The following CSMD2 variants were observed in gnomAD, a reference collection of about 807,000 sequenced individuals.
CSMD2 encodes CUB and sushi domain-containing protein 2.
In CSMD2, 130 loss-of-function variants were observed where a neutral mutation model predicts 398.5. The ratio of observed to expected loss-of-function variants is 0.33; its 90% CI spans 0.28 to 0.38. The LOEUF (loss-of-function observed/expected upper bound fraction) is 0.38, where lower values mean the gene tolerates loss of function less well. CSMD2 is among the 10% of genes least tolerant of loss of function. The pLI is 1.00. For missense variants in CSMD2, 3,829 were observed against 4,764.9 expected, an observed-to-expected ratio of 0.80 and a Z score of 5.78; for synonymous variants, 1,828 against 1,908.5, an observed-to-expected ratio of 0.96 and a Z score of 1.10.
At chr1:34,036,443 T>A (rs918415800) in intron 2 of CSMD2, among the ~76,000 whole-genome samples, 1 of 152,182 alleles carries the variant, frequency 6.6e-6, no homozygotes, top group African/African-American at 2.4e-5. Flanking sequence ...GTGATTCAAT[T>A]TATATAACAT....
chr1:33,663,399 C>G (rs183137570), intron 25 of CSMD2, among the ~76,000 whole-genome samples: 21 of 152,216 alleles, frequency 1.4e-4, no homozygotes, highest in Non-Finnish European at 5.9e-5. Flanking sequence ...CTTACATAGC[C>G]CGCAGACCTC....
chr1:33,728,874 A>T (rs1221200182), intron 15 of CSMD2, among the ~76,000 whole-genome samples: 1 of 152,232 alleles, frequency 6.6e-6, no homozygotes, highest in Admixed American at 6.5e-5. Flanking sequence ...TATATCAAAC[A>T]TTGGGAGAGT....
chr1:34,006,171 C>G (rs1647047867), intron 3 of CSMD2, among the ~76,000 whole-genome samples: 1 of 152,180 alleles, frequency 6.6e-6, no homozygotes, highest in African/African-American at 2.4e-5. Context: ...CATCCTGAAT[C>G]CCAGCCAAAT....
chr1:33,771,021 C>T lies in CSMD2; in HGVS notation c.1846+1548G>A, dbSNP rs561636810. Among the ~76,000 whole-genome samples, 12 of 152,334 alleles carry T rather than the reference C, an allele frequency of 7.9e-5. 1 individual carries two copies. In the South Asian group the frequency reaches 2.1e-3, roughly 26 times the overall value. On this transcript the variant is annotated intron_variant, in intron 13 of 70. Coordinates refer to ENST00000373381, the MANE Select transcript of CSMD2 (RefSeq NM_001281956.2). ...CTGGCATTCTGCTACCTGCCTCTTTCAGCTTGGGGGACAGTGAATCTTATC... is the reference window on the plus strand; with the variant it reads ...CTGGCATTCTGCTACCTGCCTCTTTTAGCTTGGGGGACAGTGAATCTTATC...
At chr1:34,103,290 T>TA (rs1660171967) in intron 1 of CSMD2, among the ~76,000 whole-genome samples, 3 of 98,092 alleles carry the variant, frequency 3.1e-5, no homozygotes. Context: ...CTCCTTGAGC[T>TA]TTTTTTTTTT....
rs560278388 is a variant in CSMD2 at position 33,691,860 on chromosome 1, C to T, written c.4052+1070G>A. 2.0e-4 allele frequency among the ~76,000 whole-genome samples: 30 copies of T among 152,140 alleles called. No individual in the cohort carries two copies. The East Asian group carries it at 4.5e-3, about 23-fold the overall frequency. ...TTCCCCTACTCCAGCCAGACTGTTT[C>T]CCCCCCAATTCCCTTGTTCTATCCT... On this transcript the variant is annotated intron_variant, in intron 25 of 70. Transcript: ENST00000373381.
chr1:33,959,599 C>A (rs906023914), intron 3 of CSMD2, among the ~76,000 whole-genome samples: 1 of 152,204 alleles, frequency 6.6e-6, no homozygotes, highest in African/African-American at 2.4e-5. Context: ...CACAGTTGCT[C>A]ACCCTGCCCC....
intron 3 of CSMD2, among the ~76,000 whole-genome samples, chr1:33,996,614 G>C (rs1308790012): frequency 6.6e-6 from 1 of 152,212 alleles, no homozygotes; most frequent in Admixed American, 6.5e-5. Flanking sequence ...TAGGCAGGCA[G>C]CTGGGGCATC....
intron 1 of CSMD2, among the ~76,000 whole-genome samples, chr1:34,153,591 C>A (rs1451649683): frequency 6.6e-6 from 1 of 152,210 alleles, no homozygotes; most frequent in Non-Finnish European, 1.5e-5. Flanking sequence ...CTCAGGCGCA[C>A]AGAGGCACTC....
At position 33,739,173 on chromosome 1, in the gene CSMD2, C is replaced by T. The variant is rs1646976880; in HGVS notation, c.2335G>A (p.Val779Met). The T allele has an allele frequency of 1.9e-6, 3 of 1,613,946 alleles. No individual in the cohort carries two copies. The highest frequency in any genetic ancestry group is 8.5e-7 in the Non-Finnish European group (1 of 1,179,984). Residue 779 changes from valine to methionine, a missense_variant, in exon 15 of 71, where the codon GTG (valine) becomes ATG (methionine). Physicochemically the swap from Val to Met is conservative, Grantham distance 21 (BLOSUM62 1). Coordinates refer to ENST00000373381, the MANE Select transcript of CSMD2 (RefSeq NM_001281956.2). ...TITCVLKEGS[V>M]VWNSAVLRCE... Reference sequence around the variant, plus strand: ...CGCAGCACAGCGCTGTTCCAGACCACGCTGCCCTCCTTCAGGACGCAGGTG... The same window carrying T: ...CGCAGCACAGCGCTGTTCCAGACCATGCTGCCCTCCTTCAGGACGCAGGTG...
chr1:33,850,094 G>C (rs746485259), intron 5 of CSMD2, among the ~76,000 whole-genome samples: 1 of 152,062 alleles, frequency 6.6e-6, no homozygotes, highest in Non-Finnish European at 1.5e-5. Context: ...CCTTCTGCCT[G>C]CTACACTGGC....
intron 1 of CSMD2, among the ~76,000 whole-genome samples, chr1:34,135,279 C>CACACACAT: frequency 6.7e-6 from 1 of 150,000 alleles, no homozygotes; most frequent in East Asian, 1.9e-4. Flanking sequence ...CACACACACA[C>CACACACAT]ACACACAATT....
chr1:33,681,571 C>T (rs779153215), intron 25 of CSMD2, among the ~76,000 whole-genome samples: 33 of 152,094 alleles, frequency 2.2e-4, no homozygotes, highest in African/African-American at 7.5e-4. Context: ...TTCTTAGTAC[C>T]GTGTAGTTTT....
intron 6 of CSMD2, among the ~76,000 whole-genome samples, chr1:33,845,424 G>C (rs1377346701): frequency 6.6e-6 from 1 of 152,264 alleles, no homozygotes; most frequent in East Asian, 1.9e-4. Flanking sequence ...AGACTGCCAG[G>C]CTTGGGTTCT....
intron 3 of CSMD2, among the ~76,000 whole-genome samples, chr1:33,974,747 G>A (rs559025341): frequency 6.6e-6 from 1 of 152,270 alleles, no homozygotes; most frequent in South Asian, 2.1e-4. Context: ...TTGAAAGTCA[G>A]ATAAGGCCCA....
chr1:33,614,969 C>T (rs1641290901), intron 39 of CSMD2, among the ~76,000 whole-genome samples: 1 of 152,182 alleles, frequency 6.6e-6, no homozygotes, highest in African/African-American at 2.4e-5. Flanking sequence ...ACCGTATCCC[C>T]CAAATCTCCC....
intron 29 of CSMD2, among the ~76,000 whole-genome samples, chr1:33,640,818 T>C (rs147381682): frequency 6.6e-6 from 1 of 152,338 alleles, no homozygotes; most frequent in East Asian, 1.9e-4. Context: ...AAGATAGTTC[T>C]AATTTGCATT....
intron 22 of CSMD2, among the ~76,000 whole-genome samples, chr1:33,706,364 G>A (rs1028043296): frequency 3.3e-5 from 5 of 151,818 alleles, no homozygotes; most frequent in South Asian, 4.2e-4. Context: ...ACCATCTTCC[G>A]TTCATTGCCT....
chr1:33,666,962 CT>C (rs1644338586), intron 25 of CSMD2, among the ~76,000 whole-genome samples: 1 of 152,106 alleles, frequency 6.6e-6, no homozygotes, highest in Non-Finnish European at 1.5e-5. Context: ...AAGGAGAGTG[CT>C]TTCTTTGGAT....
Sources: gnomAD v4.1 joint callset for allele counts (sites outside exome capture counted in the v4.1 genomes callset) on GRCh38, gnomAD v4.1.1 for gene constraint, MANE v1.5 for transcripts, NCBI Gene and HGNC (gene_info 2026-07-23, HGNC 2026-07-21) for gene names.